USP22: variants seen among roughly 807,000 people sequenced by gnomAD.
USP22 encodes ubiquitin carboxyl-terminal hydrolase 22.
Under a neutral mutation model 68.1 loss-of-function variants are expected in USP22, and 22 were observed. That is an observed-to-expected ratio of 0.32 (90% CI 0.23 to 0.46). The LOEUF (loss-of-function observed/expected upper bound fraction) is 0.46. Ranked by LOEUF, USP22 falls within the 20% of genes least tolerant of loss-of-function variation. The pLI is 1.00. For synonymous variants in USP22, 279 were observed against 274.2 expected, an observed-to-expected ratio of 1.02 and a Z score of -0.17; for missense variants, 433 against 695.8, an observed-to-expected ratio of 0.62 and a Z score of 4.25.
At position 21,042,781 on chromosome 17, in the gene USP22, C is replaced by T. The variant is rs1972457852; in HGVS notation, c.55G>A (p.Ala19Thr). 24 of 1,489,676 alleles carry T rather than the reference C, an allele frequency of 1.6e-5. No individual in the cohort carries two copies. The highest frequency in any genetic ancestry group is 2.0e-5 in the Non-Finnish European group (22 of 1,121,562). The allele number at this position is 1,489,676 out of a possible 1,614,324, so 92.3% of individuals were successfully genotyped here. A position where few individuals can be genotyped will look rare whatever the true frequency, so the allele number is the denominator to read the frequency against. Residue 19 changes from alanine to threonine, a missense_variant, in exon 1 of 13, where the codon GCG (alanine) becomes ACG (threonine). Around this residue, in one of 4 missense-constraint regions of USP22, gnomAD observed 110 missense variants for 89.9 expected, o/e 1.22. Transcript: ENST00000261497. Reference protein sequence around the residue: ...GEAMDAELAVAPPGCSHLGSF... With the variant: ...GEAMDAELAVTPPGCSHLGSF... The stretch of plus-strand genomic sequence containing the variant: ...CCCAGGTGCGAGCAGCCCGGCGGCG[C>T]TACCGCCAGCTCGGCGTCCATGGCC...
intron 1 of USP22, among the ~76,000 whole-genome samples, chr17:21,038,655 G>C (rs1972386653): frequency 6.9e-6 from 1 of 144,576 alleles, no homozygotes; most frequent in Non-Finnish European, 1.5e-5. Flanking sequence ...GTGAGAGACA[G>C]ACCCTGTCTC....
chr17:21,010,522 C>T (rs970899832), intron 8 of USP22, among the ~76,000 whole-genome samples: 14 of 148,646 alleles, frequency 9.4e-5, no homozygotes, highest in African/African-American at 3.4e-4. Flanking sequence ...ACTAAAAATA[C>T]AAAAATTAGC....
chr17:21,041,078 T>G (rs1455378403), intron 1 of USP22, among the ~76,000 whole-genome samples: 1 of 151,354 alleles, frequency 6.6e-6, no homozygotes, highest in Admixed American at 6.6e-5. Flanking sequence ...AGAGATGAGG[T>G]TTCACCATGT....
At chr17:21,021,281 A>AG (rs1972153407) in intron 2 of USP22, 55 bp from the exon 3 acceptor site, 1 of 1,228,300 alleles carries the variant, frequency 8.1e-7, no homozygotes, top group Non-Finnish European at 1.2e-6. Flanking sequence ...CCACAATGGA[A>AG]GGCTGGAGGG....
intron 8 of USP22, among the ~76,000 whole-genome samples, chr17:21,009,253 G>A (rs900680652): frequency 6.6e-6 from 1 of 152,090 alleles, no homozygotes; most frequent in Non-Finnish European, 1.5e-5. Context: ...CAAAGCACAC[G>A]CCAAATTTTG....
rs2143680032 is a variant in USP22, at chr17:21,042,991, T to C, written c.-156A>G. 2.7e-6 allele frequency: 1 copy of C among 369,008 alleles called. No homozygotes were observed. The highest frequency in any genetic ancestry group is 1.1e-4 in the South Asian group (1 of 8,972). 22.9% of individuals were successfully genotyped at this position (369,008 alleles called of 1,614,324 possible). On this transcript the variant is annotated 5_prime_UTR_variant, in exon 1 of 13. Coordinates refer to ENST00000261497, the MANE Select transcript of USP22 (RefSeq NM_015276.2). Reference sequence around the variant, plus strand: ...GCCGGACAAAGATGGGGCTGCGCGATCGCCGAGGGGAGGCTGCAAGGCAGG... The same window carrying C: ...GCCGGACAAAGATGGGGCTGCGCGACCGCCGAGGGGAGGCTGCAAGGCAGG...
chr17:21,040,887 CTTTT>C (rs376506784), intron 1 of USP22, among the ~76,000 whole-genome samples: 1 of 142,874 alleles, frequency 7.0e-6, no homozygotes, highest in Non-Finnish European at 1.5e-5. Flanking sequence ...CCAGGCCACC[CTTTT>C]TTTTTTTTTT....
chr17:21,027,292 C>CAAAAAAAAAAAAAAAAAAAAAAAAAAAA (rs71357459), intron 2 of USP22, among the ~76,000 whole-genome samples: 18 of 72,276 alleles, frequency 2.5e-4, no homozygotes, highest in Non-Finnish European at 3.2e-4. Context: ...ACCCTGTCTC[C>CAAAAAAAAAAAAAAAAAAAAAAAAAAAA]AAAAAAAAAA....
chr17:21,004,472 C>G, intron 11 of USP22, 121 bp from the exon 12 acceptor site: 2 of 1,274,454 alleles, frequency 1.6e-6, no homozygotes, highest in Non-Finnish European at 2.2e-6. Context: ...CTGTCAACCC[C>G]CAGGGCCTCA....
At chr17:21,010,123 C>T (rs574516221) in intron 8 of USP22, among the ~76,000 whole-genome samples, 66 of 152,214 alleles carry the variant, frequency 4.3e-4, no homozygotes, top group African/African-American at 1.5e-3. Context: ...ATGATGGCAC[C>T]ACTGCACTCC....
At chr17:21,035,712 T>G (rs940306155) in intron 1 of USP22, among the ~76,000 whole-genome samples, 1 of 152,068 alleles carries the variant, frequency 6.6e-6, no homozygotes, top group African/African-American at 2.4e-5. Flanking sequence ...TATAGCCACA[T>G]GATAAATACC....
At chr17:21,027,306 A>AAAAAAAAAAAAAAAAAAAAAAAAAC in intron 2 of USP22, among the ~76,000 whole-genome samples, 1 of 144,930 alleles carries the variant, frequency 6.9e-6, no homozygotes, top group Non-Finnish European at 1.6e-5. Context: ...AAAAAAAAAA[A>AAAAAAAAAAAAAAAAAAAAAAAAAC]AAAATCAGAC....
intron 1 of USP22, among the ~76,000 whole-genome samples, chr17:21,040,634 A>C (rs926766537): frequency 2.0e-5 from 3 of 152,228 alleles, no homozygotes; most frequent in Admixed American, 2.0e-4. Flanking sequence ...AACTTTAGGA[A>C]ATTAGGCAAA....
chr17:21,036,030 C>CAAAAAAAAAAAAA (rs35324126), intron 1 of USP22, among the ~76,000 whole-genome samples: 12 of 59,644 alleles, frequency 2.0e-4, no homozygotes, highest in African/African-American at 8.9e-4. Flanking sequence ...GACTCCGTCT[C>CAAAAAAAAAAAAA]AAAAAAAAAA....
At chr17:21,037,920 T>C (rs1972377293) in intron 1 of USP22, among the ~76,000 whole-genome samples, 1 of 152,192 alleles carries the variant, frequency 6.6e-6, no homozygotes, top group Non-Finnish European at 1.5e-5. Context: ...ATACACAGGA[T>C]TACTCTATTT....
Position 21,012,761 on chromosome 17 carries a change from G to C in USP22, c.944+69C>G, listed in dbSNP as rs565599551. On this transcript the variant is annotated intron_variant, in intron 7 of 12. Transcript: ENST00000261497. ...GACCTCTCAGAGCACACACAGCTCT[G>C]GAGACTGGGAGGATGTCAGTACGGC... 7.2e-6 allele frequency: 10 copies of C among 1,396,540 alleles called. No homozygotes were observed. The African/African-American group carries it at 9.9e-5, about 14-fold the overall frequency. 86.5% of individuals were successfully genotyped at this position (1,396,540 alleles called of 1,614,324 possible).
chr17:21,007,840 C>A, intron 9 of USP22, 30 bp downstream of exon 9: 1 of 1,613,918 alleles, frequency 6.2e-7, no homozygotes, highest in South Asian at 1.1e-5. Flanking sequence ...ACTAAGTCTG[C>A]CATTAGAGTT....
intron 6 of USP22, among the ~76,000 whole-genome samples, chr17:21,013,414 G>T (rs988079936): frequency 3.9e-5 from 6 of 152,156 alleles, no homozygotes; most frequent in Admixed American, 2.0e-4. Context: ...GCCCCCAGGG[G>T]ACAGCGTGTC....
At chr17:21,036,680 A>G (rs994354962) in intron 1 of USP22, among the ~76,000 whole-genome samples, 2 of 152,206 alleles carry the variant, frequency 1.3e-5, no homozygotes, top group African/African-American at 4.8e-5. Flanking sequence ...CTGGAGGGGA[A>G]GGCTAGAATA....
Sources: allele counts gnomAD v4.1 joint callset (sites outside exome capture counted in the v4.1 genomes callset), GRCh38; gene constraint gnomAD v4.1.1; regional missense constraint gnomAD v4.1.1; transcripts MANE v1.5; gene names NCBI Gene and HGNC (gene_info 2026-07-23, HGNC 2026-07-21).